The following WNT9B variants were observed in gnomAD, a reference collection of about 807,000 sequenced individuals.
The protein encoded by WNT9B is Wnt family member 9B.
Under a neutral mutation model 30.2 loss-of-function variants are expected in WNT9B, and 12 were observed. The ratio of observed to expected loss-of-function variants is 0.40; its 90% CI spans 0.26 to 0.64. WNT9B has a LOEUF of 0.64. WNT9B is among the 30% of genes least tolerant of loss of function. WNT9B has a pLI of 0.42. For missense variants in WNT9B, 442 were observed against 485.2 expected (o/e 0.91, Z 0.84); for synonymous variants, 218 against 216.9 (o/e 1.01, Z -0.05).
At chr17:46,838,921 A>C (rs2084665866) in intron 1 of WNT9B, among the ~76,000 whole-genome samples, 1 of 152,120 alleles carries the variant, frequency 6.6e-6, no homozygotes. Context: ...TCTGTCGCCC[A>C]GGCTGGAGTG....
In WNT9B at chr17:46,851,623, C is replaced by T. The variant is rs1292827976; in HGVS notation, c.-16C>T. ...CGGCGCGAGGAGATGCTAGAGGGCG[C>T]AGCGCCGCCAGCACCATGCGCCCCC... On this transcript the variant is annotated 5_prime_UTR_variant, in exon 1 of 4. Coordinates refer to ENST00000290015, the MANE Select transcript of WNT9B (RefSeq NM_003396.3). This position sits in a 1 kb window ranked among gnomAD's most constrained non-coding sequence, Gnocchi z 4.3. 2 of 1,252,874 alleles carry T rather than the reference C, an allele frequency of 1.6e-6. No individual in the cohort carries two copies. Among genetic ancestry groups the T allele is most frequent in the South Asian group, 2.9e-5 (1 of 34,494 alleles). The allele number at this position is 1,252,874 out of a possible 1,614,324, so 77.6% of individuals were successfully genotyped here.
exon 1 of WNT9B, chr17:46,833,268 G>T: frequency 2.2e-6 from 1 of 463,542 alleles, no homozygotes; most frequent in East Asian, 6.4e-5. Flanking sequence ...TGAGCTCCCT[G>T]GGTGATGGCT....
chr17:46,840,268 A>C (rs2084697541), intron 1 of WNT9B, among the ~76,000 whole-genome samples: 1 of 151,898 alleles, frequency 6.6e-6, no homozygotes, highest in Admixed American at 6.6e-5. Flanking sequence ...TTATATTTTT[A>C]GTAGAGACGG....
chr17:46,872,203 A>G (rs1195706179), intron 1 of WNT9B, among the ~76,000 whole-genome samples: 4 of 152,238 alleles, frequency 2.6e-5, no homozygotes, highest in South Asian at 2.1e-4. Context: ...ATTGCCCAGC[A>G]TGGATCCTGG....
chr17:46,863,622 C>G (rs865802924), intron 1 of WNT9B, among the ~76,000 whole-genome samples: 1 of 152,080 alleles, frequency 6.6e-6, no homozygotes, highest in Non-Finnish European at 1.5e-5. Flanking sequence ...TCTGGGACCT[C>G]GGGGTGATCA....
chr17:46,875,927 C>T (rs1248746686), intron 3 of WNT9B, among the ~76,000 whole-genome samples: 1 of 152,176 alleles, frequency 6.6e-6, no homozygotes, highest in East Asian at 1.9e-4. Context: ...GTTGTCATCA[C>T]TGAGTTGTGA....
At chr17:46,834,560 C>T (rs190010655) in intron 1 of WNT9B, among the ~76,000 whole-genome samples, 11 of 152,278 alleles carry the variant, frequency 7.2e-5, no homozygotes, top group African/African-American at 2.4e-4. Context: ...ATCTCAAGAA[C>T]GGTCAACTCT....
At chr17:46,883,782 C>T (rs1160856442), downstream of WNT9B, among the ~76,000 whole-genome samples, 1 of 152,156 alleles carries the variant, frequency 6.6e-6, no homozygotes, top group East Asian at 1.9e-4. Context: ...TCCAGTCCTG[C>T]CACTTGGTCC....
Position 46,864,044 on chromosome 17 carries a change from T to C in WNT9B, c.78-8473T>C, listed in dbSNP as rs560773014. Among the ~76,000 whole-genome samples the C allele has an allele frequency of 2.0e-5, 3 of 152,290 alleles. No individual in the cohort carries two copies. In the South Asian group the frequency reaches 6.2e-4, roughly 32 times the overall value. On this transcript the variant is annotated intron_variant, in intron 1 of 3. Transcript: ENST00000290015. ...GCAAACAATGGCACTGTCCTCATCA[T>C]TGAGGGGGTCACGCACAAGGCATTC...
Position 46,872,622 on chromosome 17 carries a change from C to T in WNT9B, c.183C>T (p.Ser61=). The T allele has an allele frequency of 1.2e-6, 2 of 1,613,336 alleles. No individual in the cohort carries two copies. Among genetic ancestry groups the T allele is most frequent in the Non-Finnish European group, 1.7e-6 (2 of 1,179,820 alleles). Residue 61 remains serine (S), a synonymous_variant, in exon 2 of 4, where the codon TCC becomes TCT. Coordinates refer to ENST00000290015, the MANE Select transcript of WNT9B (RefSeq NM_003396.3). ...HLKQCDLLKL[S]RRQKQLCRRE... Reference sequence around the variant, plus strand: ...AGCAGTGTGACCTGCTGAAGCTGTCCCGGCGGCAGAAGCAGCTCTGCCGGA... The same window carrying T: ...AGCAGTGTGACCTGCTGAAGCTGTCTCGGCGGCAGAAGCAGCTCTGCCGGA...
chr17:46,875,208 T>C lies in WNT9B; in HGVS notation c.442T>C (p.Ser148Pro). 6.2e-7 allele frequency: 1 copy of C among 1,614,108 alleles called. No homozygotes were observed. The highest frequency in any genetic ancestry group is 8.5e-7 in the Non-Finnish European group (1 of 1,180,034). ...CATGGAGCGCTGCACCTGTGATGACTCTCCGGGGCTGGAGAGCCGGCAGGC... is the reference window on the plus strand; with the variant it reads ...CATGGAGCGCTGCACCTGTGATGACCCTCCGGGGCTGGAGAGCCGGCAGGC... ...GRMERCTCDDSPGLESRQAWQ... is the reference protein window; with the variant it reads ...GRMERCTCDDPPGLESRQAWQ... Residue 148 changes from serine to proline, a missense_variant, in exon 3 of 4, where the codon TCT becomes CCT. Physicochemically the swap from Ser to Pro is moderately conservative, Grantham distance 74. Coordinates refer to ENST00000290015, the MANE Select transcript of WNT9B (RefSeq NM_003396.3).
chr17:46,846,747 C>T (rs191643126), upstream of WNT9B, among the ~76,000 whole-genome samples: 12 of 152,286 alleles, frequency 7.9e-5, no homozygotes, highest in Middle Eastern at 6.8e-3. Flanking sequence ...GGTCCCACAC[C>T]GTCCTCACAA....
chr17:46,853,248 C>T (rs1168027310), intron 1 of WNT9B, among the ~76,000 whole-genome samples: 4 of 151,640 alleles, frequency 2.6e-5, no homozygotes, highest in Non-Finnish European at 5.9e-5. Flanking sequence ...CTCTCAGTCT[C>T]TCAATCTGTA....
chr17:46,879,019 A>G lies in WNT9B; in HGVS notation c.*2301A>G, dbSNP rs772258228. On this transcript the variant is annotated 3_prime_UTR_variant, in exon 4 of 4. Coordinates refer to ENST00000290015, the MANE Select transcript of WNT9B (RefSeq NM_003396.3). ...GGCCCTCTTGGGGCCCCTGGGGACT[A>G]GAGTGACCACTGACCCCTCATTCTA... Among the ~76,000 whole-genome samples the G allele has an allele frequency of 6.6e-6, 1 of 152,216 alleles. No homozygotes were observed. The highest frequency in any genetic ancestry group is 1.5e-5 in the Non-Finnish European group (1 of 68,022).
intron 1 of WNT9B, among the ~76,000 whole-genome samples, chr17:46,836,025 C>G (rs2084624908): frequency 6.6e-6 from 1 of 150,576 alleles, no homozygotes; most frequent in South Asian, 2.1e-4. Context: ...TGGATGGGGC[C>G]TGCGAGGATG....
chr17:46,869,996 CA>C (rs72297295), intron 1 of WNT9B, among the ~76,000 whole-genome samples: 2,001 of 143,176 alleles, frequency 0.014, 38 homozygotes, highest in African/African-American at 0.043. Flanking sequence ...AAGACTGTCT[CA>C]AAAAAAAAAA....
chr17:46,876,620 C>T lies in WNT9B; in HGVS notation c.976C>T (p.Leu326=), dbSNP rs749595685. The change falls in exon 4 of 4, where the codon CTG becomes TTG. Residue 326 remains leucine, a synonymous_variant. Coordinates refer to ENST00000290015, the MANE Select transcript of WNT9B (RefSeq NM_003396.3). ...GCGGGGCTATGACACCCAGAGCCGC[C>T]TGGTGGCCTTCTCCTGCCACTGCCA... ...CGRGYDTQSR[L]VAFSCHCQVQ... 6.2e-7 allele frequency: 1 copy of T among 1,611,194 alleles called. No individual in the cohort carries two copies. Among genetic ancestry groups the T allele is most frequent in the East Asian group, 2.2e-5 (1 of 44,804 alleles).
chr17:46,871,521 C>A (rs1396996224), intron 1 of WNT9B, among the ~76,000 whole-genome samples: 1 of 152,098 alleles, frequency 6.6e-6, no homozygotes, highest in Non-Finnish European at 1.5e-5. Context: ...AAGCATCTTG[C>A]AAAATGAGGG....
intron 1 of WNT9B, among the ~76,000 whole-genome samples, chr17:46,872,197 C>T (rs905884880): frequency 6.6e-6 from 1 of 152,172 alleles, no homozygotes; most frequent in Admixed American, 6.5e-5. Flanking sequence ...CCCAGAATTG[C>T]CCAGCATGGA....
Sources: allele counts gnomAD v4.1 joint callset (sites outside exome capture counted in the v4.1 genomes callset), GRCh38; gene constraint gnomAD v4.1.1; non-coding constraint Gnocchi (gnomAD v3.1); transcripts MANE v1.5; gene names NCBI Gene and HGNC (gene_info 2026-07-23, HGNC 2026-07-21).